The following VPS8 variants were observed in gnomAD, a reference collection of about 807,000 sequenced individuals.
The protein encoded by VPS8 is vacuolar protein sorting-associated protein 8 homolog.
Under a neutral mutation model 216.4 loss-of-function variants are expected in VPS8, and 129 were observed. The observed-to-expected ratio is 0.60, with a 90% confidence interval of 0.52 to 0.69. VPS8 has a LOEUF of 0.69. Among genes scored for constraint, VPS8 ranks in the 30% least tolerant of loss-of-function variants. VPS8 has a pLI of 0.00. For missense variants in VPS8, 1,531 were observed against 1,683.5 expected, an observed-to-expected ratio of 0.91 and a Z score of 1.59; for synonymous variants, 571 against 565.4, an observed-to-expected ratio of 1.01 and a Z score of -0.14.
intron 46 of VPS8, among the ~76,000 whole-genome samples, chr3:185,042,897 C>G (rs1447125534): frequency 6.6e-6 from 1 of 152,146 alleles, no homozygotes; most frequent in African/African-American, 2.4e-5. Context: ...TGTGTGGGAA[C>G]AGTATGTGGG....
In VPS8 at chr3:184,966,659, T is replaced by C; in HGVS notation, c.3274-12T>C. ...GTTCCTTTTTAACTCCTATGTTCTT[T>C]TTATCTCCTAGAGACTACAAAGCAA... On this transcript the variant is annotated splice_polypyrimidine_tract_variant and intron_variant, in intron 38 of 47. Coordinates refer to ENST00000625842, the MANE Select transcript of VPS8 (RefSeq NM_001009921.3). The C allele has an allele frequency of 1.3e-6, 2 of 1,553,230 alleles. No homozygotes were observed. The highest frequency in any genetic ancestry group is 1.7e-6 in the Non-Finnish European group (2 of 1,143,216).
At chr3:184,982,388 C>CT (rs35123541) in intron 40 of VPS8, 178 bp from the exon 41 acceptor site, 5,961 of 477,100 alleles carry the variant, frequency 0.012, 41 homozygotes, top group African/African-American at 0.043. Flanking sequence ...TTTGTATTGT[C>CT]TTTTTTTTTT....
Position 184,843,249 on chromosome 3 carries a change from T to C in VPS8, c.541+4T>C, listed in dbSNP as rs1274538655. ...TTCATGGATTCAAAAGGAAAAGGTATAGTAAGTAATTTTAGTTTGCATGAA... is the reference window on the plus strand; with the variant it reads ...TTCATGGATTCAAAAGGAAAAGGTACAGTAAGTAATTTTAGTTTGCATGAA... On this transcript the variant is annotated splice_donor_region_variant and intron_variant, in intron 8 of 47. Transcript: ENST00000625842. 1 of 1,411,756 alleles carries C rather than the reference T, an allele frequency of 7.1e-7. No individual in the cohort carries two copies. Among genetic ancestry groups the C allele is most frequent in the South Asian group, 1.6e-5 (1 of 63,880 alleles). The allele number at this position is 1,411,756 out of a possible 1,614,324, so 87.5% of individuals were successfully genotyped here.
Position 184,999,768 on chromosome 3 carries a change from A to G in VPS8, c.3909A>G (p.Arg1303=), listed in dbSNP as rs756109373. The G allele has an allele frequency of 2.2e-5, 36 of 1,613,384 alleles. No homozygotes were observed. Among genetic ancestry groups the G allele is most frequent in the Non-Finnish European group, 2.7e-5 (32 of 1,179,674 alleles). Residue 1303 remains arginine, a synonymous_variant, in exon 45 of 48, where the codon AGA becomes AGG. Coordinates refer to ENST00000625842, the MANE Select transcript of VPS8 (RefSeq NM_001009921.3). ...ECTVEFEGQT[R]WTCYKCSSSN... is the part of the protein sequence containing the mutation. ...CTGTGGAATTTGAGGGCCAAACAAG[A>G]TGGACATGCTACAAATGCAGTTCAA...
chr3:185,038,345 T>C (rs1278781275), intron 46 of VPS8, among the ~76,000 whole-genome samples: 1 of 152,216 alleles, frequency 6.6e-6, no homozygotes, highest in African/African-American at 2.4e-5. Context: ...TTGTTTCCAC[T>C]AACGCCTTAG....
At chr3:184,922,007 C>G (rs1371667478) in intron 29 of VPS8, among the ~76,000 whole-genome samples, 1 of 152,162 alleles carries the variant, frequency 6.6e-6, no homozygotes, top group African/African-American at 2.4e-5. Context: ...TAACTGGTCC[C>G]TTCTGTCATC....
chr3:185,001,979 G>C lies in VPS8; in HGVS notation c.4002+2118G>C, dbSNP rs78756832. On this transcript the variant is annotated intron_variant, in intron 45 of 47. Coordinates refer to ENST00000625842, the MANE Select transcript of VPS8 (RefSeq NM_001009921.3). The stretch of plus-strand genomic sequence containing the variant: ...AAATAGACATGAGGGATCATGGAAG[G>C]CCTGCTAGAAGTGCCCTGTTAGCTT... Among the ~76,000 whole-genome samples, 184 of 152,278 alleles carry C rather than the reference G, an allele frequency of 1.2e-3. 5 individuals are homozygous for C. The East Asian group carries it at 0.028, about 23-fold the overall frequency.
intron 36 of VPS8, among the ~76,000 whole-genome samples, chr3:184,953,186 A>G (rs886358034): frequency 7.2e-5 from 11 of 152,328 alleles, no homozygotes; most frequent in Middle Eastern, 6.8e-3. Flanking sequence ...ATTTATTTGC[A>G]GGGCACCAAG....
At chr3:185,014,911 T>C (rs141831942) in intron 45 of VPS8, among the ~76,000 whole-genome samples, 1 of 152,318 alleles carries the variant, frequency 6.6e-6, no homozygotes, top group Non-Finnish European at 1.5e-5. Flanking sequence ...AGGTGATCTT[T>C]AACACAGGCA....
At chr3:184,814,440 G>A (rs1226527887) in intron 1 of VPS8, among the ~76,000 whole-genome samples, 1 of 152,228 alleles carries the variant, frequency 6.6e-6, no homozygotes, top group Non-Finnish European at 1.5e-5. Flanking sequence ...GCATCATAGT[G>A]TACTTACACA....
chr3:184,869,016 G>GA lies in VPS8; in HGVS notation c.1581dup (p.Ala528SerfsTer13). On this transcript the variant is annotated frameshift_variant, in exon 19 of 48. Transcript: ENST00000625842. LOFTEE classifies it high-confidence loss of function. ...GCTCTTGCGTGGTCTTTCCATGAAG[G>GA]AAAAGCAAAAGCAGTAGTGGGTGAG... The GA allele has an allele frequency of 6.2e-7, 1 of 1,608,402 alleles. No homozygotes were observed. The highest frequency in any genetic ancestry group is 8.5e-7 in the Non-Finnish European group (1 of 1,177,480).
At chr3:184,988,316 A>G (rs1338675459) in intron 42 of VPS8, among the ~76,000 whole-genome samples, 1 of 152,196 alleles carries the variant, frequency 6.6e-6, no homozygotes, top group Non-Finnish European at 1.5e-5. Flanking sequence ...ACTTAGAGCT[A>G]TGATCCATTT....
At chr3:184,899,438 A>C (rs958290191) in intron 24 of VPS8, among the ~76,000 whole-genome samples, 2 of 152,242 alleles carry the variant, frequency 1.3e-5, no homozygotes, top group African/African-American at 4.8e-5. Flanking sequence ...AGGCTTCTTT[A>C]AGCACATTCA....
intron 46 of VPS8, among the ~76,000 whole-genome samples, chr3:185,042,057 C>T (rs896045096): frequency 1.3e-5 from 2 of 152,128 alleles, no homozygotes; most frequent in Admixed American, 6.5e-5. Context: ...CTACAAATAT[C>T]CTAGGTGTGT....
chr3:184,961,290 G>A (rs1266008716), intron 37 of VPS8, among the ~76,000 whole-genome samples: 1 of 152,130 alleles, frequency 6.6e-6, no homozygotes, highest in Non-Finnish European at 1.5e-5. Context: ...CAGCTGTCAT[G>A]TATCGCTTTT....
At chr3:184,868,137 G>A in intron 18 of VPS8, 78 bp downstream of exon 18, 2 of 1,472,458 alleles carry the variant, frequency 1.4e-6, no homozygotes, top group Non-Finnish European at 1.9e-6. Context: ...CTTTTCAGAA[G>A]AAGATTATTT....
chr3:185,032,147 G>A (rs1758262811), intron 46 of VPS8, among the ~76,000 whole-genome samples: 1 of 151,994 alleles, frequency 6.6e-6, no homozygotes, highest in Admixed American at 6.6e-5. Context: ...CTGGACAACA[G>A]AGCGAGATTT....
intron 42 of VPS8, among the ~76,000 whole-genome samples, chr3:184,992,466 G>T (rs532328870): frequency 1.3e-5 from 2 of 152,170 alleles, no homozygotes; most frequent in East Asian, 1.9e-4. Flanking sequence ...GATTTCTGAA[G>T]TACCTAGATT....
At position 184,999,754 on chromosome 3, in the gene VPS8, G is replaced by C. The variant is rs1365025720; in HGVS notation, c.3895G>C (p.Glu1299Gln). ...LQNKECTVEFEGQTRWTCYKC... is the reference protein window; with the variant it reads ...LQNKECTVEFQGQTRWTCYKC... ...AAACAAAGAATGCACTGTGGAATTT[G>C]AGGGCCAAACAAGATGGACATGCTA... Residue 1299 changes from glutamate to glutamine, a missense_variant, in exon 45 of 48, where the codon GAG becomes CAG. Coordinates refer to ENST00000625842, the MANE Select transcript of VPS8 (RefSeq NM_001009921.3). 15 of 1,613,304 alleles carry C rather than the reference G, an allele frequency of 9.3e-6. No individual in the cohort carries two copies. Among genetic ancestry groups the C allele is most frequent in the African/African-American group, 1.3e-5 (1 of 74,918 alleles).
Sources: allele counts gnomAD v4.1 joint callset (sites outside exome capture counted in the v4.1 genomes callset), GRCh38; gene constraint gnomAD v4.1.1; transcripts MANE v1.5; gene names NCBI Gene and HGNC (gene_info 2026-07-23, HGNC 2026-07-21).